USP25: variants seen among roughly 807,000 people sequenced by gnomAD.
The protein encoded by USP25 is ubiquitin carboxyl-terminal hydrolase 25.
In USP25, 85 loss-of-function variants were observed where a neutral mutation model predicts 158.5. That is an observed-to-expected ratio of 0.54 (90% CI 0.45 to 0.64). USP25 has a LOEUF of 0.64. Among genes scored for constraint, USP25 ranks in the 30% least tolerant of loss-of-function variants. The probability of loss-of-function intolerance (pLI) is 0.00; values close to 1 mark genes in which losing one functional copy is unlikely to be tolerated. For synonymous variants in USP25, 464 were observed against 460.4 expected, an observed-to-expected ratio of 1.01 and a Z score of -0.10; for missense variants, 1,242 against 1,327.3, an observed-to-expected ratio of 0.94 and a Z score of 1.00.
At chr21:15,812,032 T>TG (rs1378147642) in intron 9 of USP25, among the ~76,000 whole-genome samples, 3 of 152,098 alleles carry the variant, frequency 2.0e-5, no homozygotes, top group African/African-American at 7.2e-5. Context: ...ACTCAGATGT[T>TG]GGCCCTTTAA....
chr21:15,833,681 C>CA (rs1293812895), intron 17 of USP25, 133 bp downstream of exon 17: 1 of 781,252 alleles, frequency 1.3e-6, no homozygotes, highest in African/African-American at 1.8e-5. Context: ...TTCCATCACT[C>CA]AGATTATCAC....
At chr21:15,746,701 T>C (rs2123274535) in intron 1 of USP25, among the ~76,000 whole-genome samples, 1 of 152,256 alleles carries the variant, frequency 6.6e-6, no homozygotes, top group African/African-American at 2.4e-5. Flanking sequence ...CTGCCAGTGG[T>C]TTTTAGTTTT....
chr21:15,849,600 G>A (rs1031201976), intron 19 of USP25, among the ~76,000 whole-genome samples, 177 bp from the exon 20 acceptor site: 12 of 152,130 alleles, frequency 7.9e-5, no homozygotes, highest in Non-Finnish European at 1.6e-4. Flanking sequence ...GTATGAGCCA[G>A]CTGTGCCCTG....
In USP25 at chr21:15,746,277, T is replaced by C. The variant is rs563648528; in HGVS notation, c.45+15839T>C. ...GTTGGATGTATGGATTCTTTCTGAC[T>C]GTTTGGACATCTTTACAGTATTTTA... is the stretch of plus-strand genomic sequence containing the variant. On this transcript the variant is annotated intron_variant, in intron 1 of 25. Transcript: ENST00000400183. 7.2e-5 allele frequency among the ~76,000 whole-genome samples: 11 copies of C among 152,370 alleles called. No individual in the cohort carries two copies. In the South Asian group the frequency reaches 1.9e-3, roughly 26 times the overall value.
chr21:15,745,858 C>T (rs2032511662), intron 1 of USP25, among the ~76,000 whole-genome samples: 1 of 151,424 alleles, frequency 6.6e-6, no homozygotes, highest in Admixed American at 6.6e-5. Context: ...TTTAGGTTTA[C>T]GATCCATTTG....
At chr21:15,730,593 G>C (rs1485468860) in intron 1 of USP25, among the ~76,000 whole-genome samples, 155 bp downstream of exon 1, 1 of 152,154 alleles carries the variant, frequency 6.6e-6, no homozygotes, top group African/African-American at 2.4e-5. Context: ...GGGGCGTCGC[G>C]CCCAGAGCCC....
intron 17 of USP25, among the ~76,000 whole-genome samples, chr21:15,834,818 A>G (rs1372072636): frequency 6.6e-6 from 1 of 152,160 alleles, no homozygotes; most frequent in Non-Finnish European, 1.5e-5. Flanking sequence ...TGGCTGGTGA[A>G]CTCTACCATT....
chr21:15,818,636 A>C (rs1220796600), intron 9 of USP25, 62 bp from the exon 10 acceptor site: 1 of 1,431,546 alleles, frequency 7.0e-7, no homozygotes, highest in Non-Finnish European at 9.5e-7. Context: ...ATCCTTACGT[A>C]CTCTTAATTT....
intron 16 of USP25, 130 bp downstream of exon 16, chr21:15,831,759 C>T (rs1385283707): frequency 2.6e-6 from 2 of 779,636 alleles, no homozygotes; most frequent in Admixed American, 2.1e-5. Flanking sequence ...TGGGTTTTGA[C>T]AAGACTGAAT....
chr21:15,762,863 A>G (rs1311940315), intron 1 of USP25, 28 bp from the exon 2 acceptor site: 1 of 1,591,612 alleles, frequency 6.3e-7, no homozygotes, highest in Non-Finnish European at 8.6e-7. Context: ...TTGAGAATAT[A>G]ATGATTTTGG....
chr21:15,831,285 T>A (rs1489803656), intron 15 of USP25, 116 bp from the exon 16 acceptor site: 85 of 757,718 alleles, frequency 1.1e-4, no homozygotes, highest in Non-Finnish European at 1.4e-4. Flanking sequence ...CTCTCTCATT[T>A]AAAAAAAAAA....
At chr21:15,837,935 G>A (rs2038135206) in intron 17 of USP25, among the ~76,000 whole-genome samples, 1 of 151,660 alleles carries the variant, frequency 6.6e-6, no homozygotes, top group Non-Finnish European at 1.5e-5. Flanking sequence ...GGAACTAGGT[G>A]ATATTCTTTT....
intron 20 of USP25, among the ~76,000 whole-genome samples, chr21:15,851,040 A>C (rs941075618): frequency 1.2e-4 from 18 of 152,004 alleles, no homozygotes; most frequent in African/African-American, 4.1e-4. Flanking sequence ...TATAGTTTCT[A>C]GGTTTCTAAC....
intron 5 of USP25, among the ~76,000 whole-genome samples, chr21:15,794,776 C>G (rs1002721892): frequency 5.3e-5 from 8 of 151,398 alleles, no homozygotes; most frequent in Admixed American, 2.6e-4. Flanking sequence ...TACAGGCACC[C>G]TGAGGGCAGA....
intron 4 of USP25, among the ~76,000 whole-genome samples, chr21:15,780,188 T>G (rs963436319): frequency 6.6e-6 from 1 of 152,192 alleles, no homozygotes; most frequent in African/African-American, 2.4e-5. Context: ...TTATTATATT[T>G]TAGTAGACAT....
rs549282686 is a variant in USP25 at position 15,783,308 on chromosome 21, A to G, written c.392+5281A>G. Among the ~76,000 whole-genome samples the G allele has an allele frequency of 3.3e-5, 5 of 152,294 alleles. No individual in the cohort carries two copies. In the South Asian group the frequency reaches 8.3e-4, roughly 25 times the overall value. ...CATATTATGGGAGTGCCAGAGAAAG[A>G]ATAAGTGAAGAGAGGCATAGACCAC... On this transcript the variant is annotated intron_variant, in intron 4 of 25. Coordinates refer to ENST00000400183, the MANE Select transcript of USP25 (RefSeq NM_001283041.3).
intron 12 of USP25, among the ~76,000 whole-genome samples, 182 bp downstream of exon 12, chr21:15,825,243 G>A (rs1371479426): frequency 6.6e-6 from 1 of 152,096 alleles, no homozygotes. Context: ...AATTATTCTA[G>A]TGTTTAAAAT....
In USP25 at chr21:15,794,664, A is replaced by G. The variant is rs530464708; in HGVS notation, c.555+3000A>G. 1.3e-4 allele frequency among the ~76,000 whole-genome samples: 20 copies of G among 151,564 alleles called. No individual in the cohort carries two copies. The South Asian group carries it at 4.0e-3, about 30-fold the overall frequency. ...ATAGTCCCTTTTACTCCTATTGTAG[A>G]TCTGTTGGCACCTGTCACTTAGTCC... On this transcript the variant is annotated intron_variant, in intron 5 of 25. Transcript: ENST00000400183.
intron 5 of USP25, among the ~76,000 whole-genome samples, chr21:15,796,528 CAA>C (rs1337030916): frequency 6.6e-6 from 1 of 151,368 alleles, no homozygotes. Flanking sequence ...AATTTTTGCA[CAA>C]AGTTTGAGCC....
Sources: gnomAD v4.1 joint callset for allele counts (sites outside exome capture counted in the v4.1 genomes callset) on GRCh38, gnomAD v4.1.1 for gene constraint, MANE v1.5 for transcripts, NCBI Gene and HGNC (gene_info 2026-07-23, HGNC 2026-07-21) for gene names.